ITSN2: variants seen among roughly 807,000 people sequenced by gnomAD.
The protein encoded by ITSN2 is intersectin 2.
ITSN2 carries 156 observed loss-of-function variants against 243.7 expected under a neutral mutation model. The ratio of observed to expected loss-of-function variants is 0.64; its 90% CI spans 0.56 to 0.73. ITSN2 has a LOEUF of 0.73. Among genes scored for constraint, ITSN2 ranks in the 30% least tolerant of loss-of-function variants. The pLI, the probability that ITSN2 is intolerant of heterozygous loss-of-function variation, is 0.00. For missense variants in ITSN2, 1,801 were observed against 1,996.1 expected (o/e 0.90, Z 1.86); for synonymous variants, 703 against 699.9 (o/e 1.00, Z -0.07).
chr2:24,206,382 TGGAGATGCAGGGGGCCGGC>T (rs1668874807), intron 37 of ITSN2: 3 of 242,680 alleles, frequency 1.2e-5, no homozygotes, highest in Non-Finnish European at 1.7e-5. Flanking sequence ...GGAAGGAAGG[TGGAGATGCAGGGGGCCGGC>T]GGGGAGGAAG....
intron 1 of ITSN2, among the ~76,000 whole-genome samples, chr2:24,331,687 C>A (rs1461195904): frequency 6.6e-6 from 1 of 152,082 alleles, no homozygotes; most frequent in African/African-American, 2.4e-5. Flanking sequence ...TGAGACCTGA[C>A]CCCCCAATCA....
chr2:24,345,112 A>C (rs987333145), intron 1 of ITSN2, among the ~76,000 whole-genome samples: 1 of 152,140 alleles, frequency 6.6e-6, no homozygotes, highest in Non-Finnish European at 1.5e-5. Context: ...TTTTACACTT[A>C]TTATACACTT....
At chr2:24,331,092 G>A (rs1288994740) in intron 1 of ITSN2, among the ~76,000 whole-genome samples, 4 of 135,938 alleles carry the variant, frequency 2.9e-5, no homozygotes, top group African/African-American at 1.1e-4. Context: ...TTTTTTTAAG[G>A]CAGAGTTTCG....
At chr2:24,248,542 C>T (rs1269345146) in intron 27 of ITSN2, 87 bp downstream of exon 27, 1 of 1,125,100 alleles carries the variant, frequency 8.9e-7, no homozygotes, top group East Asian at 2.6e-5. Flanking sequence ...TATGGGTGAT[C>T]TAAAAATTTT....
At chr2:24,248,534 T>C in intron 27 of ITSN2, 95 bp downstream of exon 27, 6 of 967,880 alleles carry the variant, frequency 6.2e-6, no homozygotes, top group Middle Eastern at 3.4e-4. Flanking sequence ...GGAATGATTA[T>C]GGGTGATCTA....
chr2:24,333,132 C>T (rs952476887), intron 1 of ITSN2, among the ~76,000 whole-genome samples: 1 of 152,200 alleles, frequency 6.6e-6, no homozygotes, highest in Admixed American at 6.5e-5. Context: ...AGCCAGAATG[C>T]AATCCCAAGC....
Position 24,204,766 on chromosome 2 carries a change from T to C in ITSN2, c.4763-348A>G, listed in dbSNP as rs1214171757. 4.1e-6 allele frequency: 2 copies of C among 493,176 alleles called. No homozygotes were observed. Among genetic ancestry groups the C allele is most frequent in the Admixed American group, 2.3e-5 (1 of 43,556 alleles). The allele number at this position is 493,176 out of a possible 1,614,324, so 30.6% of individuals were successfully genotyped here. ...CTTACTGGGAAAACAGTGATAAGAA[T>C]ATTGGTCCAATATGCGCATTTTAGT... On this transcript the variant is annotated intron_variant, in intron 38 of 39. Coordinates refer to ENST00000355123, the MANE Select transcript of ITSN2 (RefSeq NM_006277.3). The surrounding 1 kb of genome is among the most constrained non-coding windows in gnomAD (Gnocchi z 5.1).
intron 9 of ITSN2, among the ~76,000 whole-genome samples, chr2:24,303,170 GAAAA>G (rs906703092): frequency 6.7e-6 from 1 of 148,880 alleles, no homozygotes; most frequent in Admixed American, 6.7e-5. Flanking sequence ...TCTACTTACA[GAAAA>G]AAAAAAGTTA....
At chr2:24,329,404 C>T (rs371805828) in intron 1 of ITSN2, among the ~76,000 whole-genome samples, 8 of 152,100 alleles carry the variant, frequency 5.3e-5, no homozygotes, top group Admixed American at 6.5e-5. Context: ...GGTCTACAGG[C>T]GCACATCACC....
rs1428242450 is a variant in ITSN2, at chr2:24,209,161, C to T, written c.4534G>A (p.Val1512Ile). 6.2e-7 allele frequency: 1 copy of T among 1,614,106 alleles called. No individual in the cohort carries two copies. Among genetic ancestry groups the T allele is most frequent in the Admixed American group, 1.7e-5 (1 of 60,012 alleles). Residue 1512 changes from valine (V) to isoleucine (I), a missense_variant, in exon 36 of 40, where the codon GTC becomes ATC. This residue lies in a region of ITSN2 where 928 missense variants were observed against 1,065.4 expected (regional missense o/e 0.87). Coordinates refer to ENST00000355123, the MANE Select transcript of ITSN2 (RefSeq NM_006277.3). Reference sequence around the variant, plus strand: ...CGATCAATGTGGGAAATGTGGAAGACAGGCTCATCGCTGGAAGGGTCTGTG... The same window carrying T: ...CGATCAATGTGGGAAATGTGGAAGATAGGCTCATCGCTGGAAGGGTCTGTG... ...LPTDPSSDEP[V>I]FHISHIDRVY...
chr2:24,261,350 A>G, intron 21 of ITSN2, 100 bp from the exon 22 acceptor site: 5 of 961,998 alleles, frequency 5.2e-6, no homozygotes, highest in Non-Finnish European at 7.7e-6. Context: ...CTGTGCTTAC[A>G]CACAATTTGT....
chr2:24,308,875 G>A (rs756886861), intron 7 of ITSN2, 119 bp from the exon 8 acceptor site: 13 of 673,378 alleles, frequency 1.9e-5, no homozygotes, highest in African/African-American at 1.3e-4. Context: ...CCGGGCCACC[G>A]ACCTGTTAGG....
At chr2:24,303,062 C>T (rs755426389) in intron 9 of ITSN2, among the ~76,000 whole-genome samples, 1 of 152,132 alleles carries the variant, frequency 6.6e-6, no homozygotes, top group African/African-American at 2.4e-5. Flanking sequence ...CAATTATCTA[C>T]AGTACATACA....
At chr2:24,305,741 T>C (rs928989850) in intron 8 of ITSN2, among the ~76,000 whole-genome samples, 2 of 152,126 alleles carry the variant, frequency 1.3e-5, no homozygotes, top group African/African-American at 4.8e-5. Context: ...TGTCTTTACC[T>C]ACAGATATAT....
chr2:24,329,456 A>G (rs1276074192), intron 1 of ITSN2, among the ~76,000 whole-genome samples: 1 of 151,982 alleles, frequency 6.6e-6, no homozygotes, highest in Non-Finnish European at 1.5e-5. Context: ...TTGTTTTAGT[A>G]GAGACGAGGT....
intron 15 of ITSN2, among the ~76,000 whole-genome samples, chr2:24,289,635 G>A (rs879246893): frequency 2.6e-5 from 4 of 152,062 alleles, no homozygotes; most frequent in South Asian, 2.1e-4. Context: ...CCAGCATTAC[G>A]TTGAACAGAA....
intron 34 of ITSN2, 178 bp from the exon 35 acceptor site, chr2:24,210,211 T>C (rs942992030): frequency 1.2e-4 from 68 of 583,962 alleles, no homozygotes; most frequent in Non-Finnish European, 3.7e-5. Context: ...GAGTCCAAAC[T>C]GGCCCAGTGA....
chr2:24,341,205 C>T (rs1687017947), intron 1 of ITSN2, among the ~76,000 whole-genome samples: 1 of 152,098 alleles, frequency 6.6e-6, no homozygotes, highest in South Asian at 2.1e-4. Context: ...GGATGAACAA[C>T]AAAATGTTCA....
At chr2:24,335,557 C>T (rs759904899) in intron 1 of ITSN2, among the ~76,000 whole-genome samples, 12 of 152,134 alleles carry the variant, frequency 7.9e-5, no homozygotes, top group Non-Finnish European at 1.5e-4. Context: ...TGGTCTCCAA[C>T]TCCTGGGCTC....
Sources: allele counts gnomAD v4.1 joint callset (sites outside exome capture counted in the v4.1 genomes callset), GRCh38; gene constraint gnomAD v4.1.1; regional missense constraint gnomAD v4.1.1; non-coding constraint Gnocchi (gnomAD v3.1); transcripts MANE v1.5; gene names NCBI Gene and HGNC (gene_info 2026-07-23, HGNC 2026-07-21).